VEPH1: variants seen among roughly 807,000 people sequenced by gnomAD.
VEPH1 encodes the protein ventricular zone-expressed PH domain-containing protein homolog 1.
VEPH1 carries 80 observed loss-of-function variants against 85.2 expected under a neutral mutation model. That is an observed-to-expected ratio of 0.94 (90% CI 0.78 to 1.13). The LOEUF is 1.13. Ranked by LOEUF, VEPH1 falls within the 50% of genes most tolerant of loss-of-function variation. The pLI, the probability that VEPH1 is intolerant of heterozygous loss-of-function variation, is 0.00. For synonymous variants in VEPH1, 297 were observed against 348.0 expected, an observed-to-expected ratio of 0.85 and a Z score of 1.63; for missense variants, 955 against 980.5, an observed-to-expected ratio of 0.97 and a Z score of 0.35.
chr3:157,424,557 G>T (rs1010278117), intron 5 of VEPH1, among the ~76,000 whole-genome samples: 1 of 152,110 alleles, frequency 6.6e-6, no homozygotes, highest in African/African-American at 2.4e-5. Context: ...ACCCTGATAG[G>T]GATATAGACA....
At chr3:157,476,786 G>A (rs1381240890) in intron 2 of VEPH1, among the ~76,000 whole-genome samples, 2 of 152,194 alleles carry the variant, frequency 1.3e-5, no homozygotes, top group African/African-American at 2.4e-5. Flanking sequence ...AATTAGCCAT[G>A]CCCATTAGAA....
chr3:157,278,371 T>G (rs887887330), intron 12 of VEPH1, among the ~76,000 whole-genome samples: 1 of 152,214 alleles, frequency 6.6e-6, no homozygotes, highest in Non-Finnish European at 1.5e-5. Flanking sequence ...ACAGTGAGTC[T>G]GAGAAACTTT....
At chr3:157,302,160 G>A (rs1295435067) in intron 11 of VEPH1, among the ~76,000 whole-genome samples, 3 of 152,050 alleles carry the variant, frequency 2.0e-5, no homozygotes, top group Admixed American at 6.5e-5. Flanking sequence ...ACCTCCAACC[G>A]TTATATTGAA....
chr3:157,371,183 T>TTA (rs1208296970), intron 7 of VEPH1, among the ~76,000 whole-genome samples: 5 of 152,188 alleles, frequency 3.3e-5, no homozygotes, highest in African/African-American at 1.2e-4. Context: ...CTGCAGTATC[T>TTA]TAAACAGTGC....
rs148688716 is a variant in VEPH1 at position 157,428,798 on chromosome 3, C to G, written c.530-310G>C. Among the ~76,000 whole-genome samples, 437 of 152,100 alleles carry G rather than the reference C, an allele frequency of 2.9e-3. 2 individuals carry two copies. Among genetic ancestry groups the G allele is most frequent in the African/African-American group, 9.7e-3 (403 of 41,506 alleles). On this transcript the variant is annotated intron_variant, in intron 4 of 13. Transcript: ENST00000362010. The stretch of plus-strand genomic sequence containing the variant: ...CCACACCCTTGAGAAGGAAACAGTT[C>G]CAATAAAGAATTCCTGATGATAAAC...
At chr3:157,496,266 A>T (rs1739657963) in intron 1 of VEPH1, among the ~76,000 whole-genome samples, 1 of 152,198 alleles carries the variant, frequency 6.6e-6, no homozygotes, top group South Asian at 2.1e-4. Flanking sequence ...TCACCCAATT[A>T]ACAGTCTACA....
intron 11 of VEPH1, among the ~76,000 whole-genome samples, chr3:157,290,998 G>C (rs1717414746): frequency 6.6e-6 from 1 of 152,214 alleles, no homozygotes; most frequent in Non-Finnish European, 1.5e-5. Flanking sequence ...TATGTACTTT[G>C]AGAGGGTACT....
intron 3 of VEPH1, among the ~76,000 whole-genome samples, chr3:157,461,390 G>A (rs1336487142): frequency 1.3e-5 from 2 of 152,176 alleles, no homozygotes; most frequent in Non-Finnish European, 2.9e-5. Flanking sequence ...TGCACAGCGT[G>A]TTTGGGAGAA....
chr3:157,272,375 T>TTTC (rs200016080), intron 12 of VEPH1, among the ~76,000 whole-genome samples: 2,078 of 95,002 alleles, frequency 0.022, 61 homozygotes, highest in African/African-American at 0.049. Flanking sequence ...TTTCTCTTTC[T>TTTC]TTTCTTTCTT....
chr3:157,443,357 G>A, intron 4 of VEPH1: 1 of 180,394 alleles, frequency 5.5e-6, no homozygotes, highest in Non-Finnish European at 1.2e-5. Flanking sequence ...AACAAAATAA[G>A]ATTTGTTGTC....
chr3:157,306,840 A>G (rs1719563254), intron 11 of VEPH1, among the ~76,000 whole-genome samples: 1 of 151,990 alleles, frequency 6.6e-6, no homozygotes, highest in African/African-American at 2.4e-5. Flanking sequence ...ACTGTACCCA[A>G]TATGTAGTTT....
intron 9 of VEPH1, among the ~76,000 whole-genome samples, chr3:157,342,107 A>C (rs1218383224): frequency 6.6e-6 from 1 of 152,246 alleles, no homozygotes; most frequent in African/African-American, 2.4e-5. Flanking sequence ...CTAGGAAGAA[A>C]CTGCATCAAC....
intron 13 of VEPH1, among the ~76,000 whole-genome samples, chr3:157,262,288 G>C (rs933286614): frequency 6.6e-6 from 1 of 151,980 alleles, no homozygotes; most frequent in African/African-American, 2.4e-5. Context: ...TTCATTATGA[G>C]ATACATTTTC....
intron 4 of VEPH1, chr3:157,436,960 T>G: frequency 1.2e-6 from 2 of 1,614,034 alleles, no homozygotes; most frequent in Non-Finnish European, 1.7e-6. Context: ...TTCTGTTTTG[T>G]GCTCTCTGGT....
At chr3:157,464,480 C>T (rs902314463) in intron 3 of VEPH1, among the ~76,000 whole-genome samples, 1 of 152,324 alleles carries the variant, frequency 6.6e-6, no homozygotes. Context: ...AAAGACCTTG[C>T]TTCTCAGTGC....
chr3:157,334,583 G>T (rs982301172), intron 9 of VEPH1, among the ~76,000 whole-genome samples: 3 of 152,192 alleles, frequency 2.0e-5, no homozygotes, highest in Non-Finnish European at 4.4e-5. Flanking sequence ...CAAATACTCT[G>T]AGGACTTACC....
At chr3:157,396,717 T>C (rs1297805192) in intron 6 of VEPH1, among the ~76,000 whole-genome samples, 2 of 152,250 alleles carry the variant, frequency 1.3e-5, no homozygotes. Flanking sequence ...TTTTCGTATG[T>C]TTGTTGATCA....
chr3:157,476,491 G>A (rs1221889907), intron 2 of VEPH1, among the ~76,000 whole-genome samples: 1 of 151,644 alleles, frequency 6.6e-6, no homozygotes, highest in Non-Finnish European at 1.5e-5. Context: ...ATAATCATGG[G>A]ACTCACTGGT....
intron 11 of VEPH1, among the ~76,000 whole-genome samples, chr3:157,305,933 C>G (rs984596389): frequency 4.6e-5 from 7 of 152,096 alleles, no homozygotes; most frequent in African/African-American, 1.7e-4. Flanking sequence ...GGATATTAAA[C>G]TTTGTTTTTC....
Sources: gnomAD v4.1 joint callset for allele counts (sites outside exome capture counted in the v4.1 genomes callset) on GRCh38, gnomAD v4.1.1 for gene constraint, MANE v1.5 for transcripts, NCBI Gene and HGNC (gene_info 2026-07-23, HGNC 2026-07-21) for gene names.